Variants in CTIF observed in about 807,000 individuals in gnomAD.
CTIF encodes cap binding complex dependent translation initiation factor.
A neutral mutation model predicts 66.0 loss-of-function variants in CTIF; 21 were observed. The observed-to-expected ratio is 0.32, with a 90% CI of 0.23 to 0.46. The LOEUF is 0.46. Ranked by LOEUF, CTIF falls within the 20% of genes least tolerant of loss-of-function variation. The pLI, the probability that CTIF is intolerant of heterozygous loss-of-function variation, is 1.00. For synonymous variants in CTIF, 345 were observed against 326.4 expected (o/e 1.06, Z -0.62); for missense variants, 739 against 812.7 (o/e 0.91, Z 1.10).
At chr18:48,625,391 G>C (rs903762734) in intron 2 of CTIF, among the ~76,000 whole-genome samples, 11 of 152,228 alleles carry the variant, frequency 7.2e-5, no homozygotes, top group African/African-American at 2.4e-4. Flanking sequence ...AAATTCTCCT[G>C]AGCTAAAATT....
chr18:48,768,299 C>T (rs954789005), intron 9 of CTIF, among the ~76,000 whole-genome samples: 4 of 152,104 alleles, frequency 2.6e-5, no homozygotes, highest in African/African-American at 7.2e-5. Context: ...GCTGAGTTAT[C>T]GGCTGTCCCC....
chr18:48,608,902 C>T (rs2090256128), intron 1 of CTIF, among the ~76,000 whole-genome samples: 1 of 152,218 alleles, frequency 6.6e-6, no homozygotes. Flanking sequence ...GAAGGAAGGC[C>T]TGGAGCGCTG....
chr18:48,667,565 C>G (rs1394923138), intron 5 of CTIF, among the ~76,000 whole-genome samples: 6 of 152,198 alleles, frequency 3.9e-5, no homozygotes, highest in Admixed American at 2.6e-4. Context: ...GCCAAAGTGT[C>G]TCACCAGTCC....
intron 9 of CTIF, among the ~76,000 whole-genome samples, chr18:48,780,141 G>A (rs1911068607): frequency 6.6e-6 from 1 of 152,104 alleles, no homozygotes. Context: ...AGTGTAAGAG[G>A]CCAAGCCTGC....
chr18:48,685,030 A>ATTTTT (rs35327726), intron 6 of CTIF, among the ~76,000 whole-genome samples: 1,756 of 133,552 alleles, frequency 0.013, 45 homozygotes, highest in African/African-American at 0.045. Context: ...GTTTGTTTGT[A>ATTTTT]TTTTTTTTTT....
At chr18:48,758,533 C>G in intron 8 of CTIF, 128 bp downstream of exon 8, 1 of 1,224,126 alleles carries the variant, frequency 8.2e-7, no homozygotes, top group Non-Finnish European at 1.1e-6. Flanking sequence ...TACAGGGAAG[C>G]AGGGGCTTCG....
At chr18:48,779,651 C>T (rs537476189) in intron 9 of CTIF, among the ~76,000 whole-genome samples, 237 of 152,354 alleles carry the variant, frequency 1.6e-3, no homozygotes, top group Non-Finnish European at 2.4e-3. Context: ...TCCCGGCCAG[C>T]GCTTAGCAGC....
chr18:48,781,004 T>C, intron 9 of CTIF, among the ~76,000 whole-genome samples: 1 of 152,228 alleles, frequency 6.6e-6, no homozygotes, highest in African/African-American at 2.4e-5. Flanking sequence ...ATATGTTTGC[T>C]GGGGGAGTCA....
chr18:48,649,913 C>G (rs1189119532), intron 3 of CTIF, among the ~76,000 whole-genome samples: 1 of 152,222 alleles, frequency 6.6e-6, no homozygotes, highest in Non-Finnish European at 1.5e-5. Context: ...AACTAACACA[C>G]AGAAAGGAAT....
intron 1 of CTIF, among the ~76,000 whole-genome samples, chr18:48,586,569 C>A (rs1305516903): frequency 2.6e-5 from 4 of 152,182 alleles, no homozygotes; most frequent in African/African-American, 7.2e-5. Flanking sequence ...CCACGCCCGG[C>A]CTTAAATTTG....
rs181914815 is a variant in CTIF at position 48,782,188 on chromosome 18, C to T, written c.1371+20499C>T. On this transcript the variant is annotated intron_variant, in intron 9 of 11. Coordinates refer to ENST00000256413, the MANE Select transcript of CTIF (RefSeq NM_014772.3). ...AGGCGTGGAGGGTGAAGTCCAAGAG[C>T]TCTCTGGGTGGGGGTGTTTGGTCAT... 3.0e-3 allele frequency among the ~76,000 whole-genome samples: 455 copies of T among 151,974 alleles called. 12 individuals carry two copies. The highest frequency in any genetic ancestry group is 0.028 in the Admixed American group (429 of 15,272).
rs1192963571 is a variant in CTIF at position 48,642,537 on chromosome 18, TG to T, written c.252+5858del. On this transcript the variant is annotated intron_variant, in intron 3 of 11. Coordinates refer to ENST00000256413, the MANE Select transcript of CTIF (RefSeq NM_014772.3). ...AGGATCATATTGGGTGTTACTCAAG[TG>T]GGGGGCTGAGAATGGTGAATGCAGA... Among the ~76,000 whole-genome samples the T allele has an allele frequency of 2.6e-5, 4 of 152,206 alleles. No homozygotes were observed. In the South Asian group the frequency reaches 6.2e-4, roughly 24 times the overall value.
At position 48,637,744 on chromosome 18, in the gene CTIF, G is replaced by A. The variant is rs375171333; in HGVS notation, c.252+1059G>A. Among the ~76,000 whole-genome samples the A allele has an allele frequency of 9.5e-4, 145 of 152,246 alleles. 1 individual carries two copies. The South Asian group carries it at 0.023, about 24-fold the overall frequency. On this transcript the variant is annotated intron_variant, in intron 3 of 11. Transcript: ENST00000256413. ...CGGCTGCCCAGGATGGTTCTTTCACGTGACAAAATGTGCTTGTACGTCTTG... is the reference window on the plus strand; with the variant it reads ...CGGCTGCCCAGGATGGTTCTTTCACATGACAAAATGTGCTTGTACGTCTTG...
At chr18:48,717,928 G>A (rs928139543) in intron 7 of CTIF, among the ~76,000 whole-genome samples, 3 of 152,156 alleles carry the variant, frequency 2.0e-5, no homozygotes, top group South Asian at 2.1e-4. Context: ...GATTGGTAGC[G>A]ATGGAGTCTT....
chr18:48,772,781 T>G (rs1462812993), intron 9 of CTIF, among the ~76,000 whole-genome samples: 1 of 152,266 alleles, frequency 6.6e-6, no homozygotes, highest in Non-Finnish European at 1.5e-5. Flanking sequence ...TTGTGATTCA[T>G]GCTGATAGGA....
At chr18:48,820,013 G>C (rs779649145) in intron 10 of CTIF, among the ~76,000 whole-genome samples, 2 of 152,232 alleles carry the variant, frequency 1.3e-5, no homozygotes, top group Non-Finnish European at 2.9e-5. Flanking sequence ...CTGGCAGAGA[G>C]CTAGTTGTCA....
chr18:48,562,609 G>T (rs893932559), intron 1 of CTIF, among the ~76,000 whole-genome samples: 2 of 152,200 alleles, frequency 1.3e-5, no homozygotes, highest in African/African-American at 4.8e-5. Context: ...TTGGAGAGGG[G>T]ACATCAGTTT....
chr18:48,652,628 T>C (rs1400653266), intron 3 of CTIF, among the ~76,000 whole-genome samples: 1 of 152,208 alleles, frequency 6.6e-6, no homozygotes, highest in East Asian at 1.9e-4. Context: ...TAACTCATTT[T>C]ATAAGGCCAG....
At chr18:48,593,818 T>A (rs914283028) in intron 1 of CTIF, among the ~76,000 whole-genome samples, 22 of 152,048 alleles carry the variant, frequency 1.4e-4, no homozygotes, top group African/African-American at 5.3e-4. Context: ...GGTGGCTGGC[T>A]GAGGTGAGCA....
Sources: gnomAD v4.1 joint callset for allele counts (sites outside exome capture counted in the v4.1 genomes callset) on GRCh38, gnomAD v4.1.1 for gene constraint, MANE v1.5 for transcripts, NCBI Gene and HGNC (gene_info 2026-07-23, HGNC 2026-07-21) for gene names.